SLC25A24: variants seen among roughly 807,000 people sequenced by gnomAD.
The protein encoded by SLC25A24 is solute carrier family 25 member 24, also known as mitochondrial adenyl nucleotide antiporter SLC25A24.
In SLC25A24, 49 loss-of-function variants were observed where a neutral mutation model predicts 60.7. That is an observed-to-expected ratio of 0.81 (90% CI 0.64 to 1.02). SLC25A24 has a LOEUF of 1.02. Among genes scored for constraint, SLC25A24 ranks in the 50% least tolerant of loss-of-function variants. The pLI is 0.00. For missense variants in SLC25A24, 564 were observed against 586.3 expected (o/e 0.96, Z 0.39); for synonymous variants, 202 against 200.6 (o/e 1.01, Z -0.06).
intron 6 of SLC25A24, among the ~76,000 whole-genome samples, chr1:108,154,225 G>C (rs1248251411): frequency 6.6e-6 from 1 of 151,230 alleles, no homozygotes; most frequent in Non-Finnish European, 1.5e-5. Context: ...AACTATGGGG[G>C]GGGAGTTGAA....
intron 3 of SLC25A24, among the ~76,000 whole-genome samples, chr1:108,169,001 C>T (rs549679102): frequency 9.2e-5 from 14 of 152,302 alleles, no homozygotes; most frequent in East Asian, 3.9e-4. Context: ...TGTTTGTGTA[C>T]GGTAAGAGGC....
At chr1:108,170,400 C>T (rs1186473386) in intron 3 of SLC25A24, among the ~76,000 whole-genome samples, 1 of 152,086 alleles carries the variant, frequency 6.6e-6, no homozygotes, top group African/African-American at 2.4e-5. Context: ...AATTTTTATA[C>T]ATGTTCCATA....
intron 1 of SLC25A24, chr1:108,192,830 G>A: frequency 1.7e-6 from 2 of 1,187,304 alleles, no homozygotes; most frequent in South Asian, 2.1e-5. Context: ...GCGCAAAGGC[G>A]CGAGCGCGCA....
At position 108,157,502 on chromosome 1, in the gene SLC25A24, G is replaced by A. The variant is rs774144115; in HGVS notation, c.629C>T (p.Thr210Ile). The A allele has an allele frequency of 4.3e-6, 7 of 1,614,142 alleles. No homozygotes were observed. Among genetic ancestry groups the A allele is most frequent in the Non-Finnish European group, 5.9e-6 (7 of 1,180,024 alleles). Residue 210 changes from threonine to isoleucine, a missense_variant, in exon 5 of 10, where the codon ACA (threonine) becomes ATA (isoleucine). Thr to Ile is a moderately conservative substitution (Grantham distance 89). Transcript: ENST00000565488. ...AGGIAGAVSRTSTAPLDRLKI... is the reference protein window; with the variant it reads ...AGGIAGAVSRISTAPLDRLKI... ...CAGACGGTCCAAAGGGGCAGTGCTT[G>A]TTCGAGAGACAGCACCAGCAATGCC...
chr1:108,200,206 G>T lies in SLC25A24; in HGVS notation c.-68C>A, dbSNP rs964712161. On this transcript the variant is annotated 5_prime_UTR_variant, in exon 1 of 10. Transcript: ENST00000565488. Reference sequence around the variant, plus strand: ...GATCGAGGGCTGCGGGGCGAGACCGGGACCAGCGCGAGGCCGGGCTGGGCG... The same window carrying T: ...GATCGAGGGCTGCGGGGCGAGACCGTGACCAGCGCGAGGCCGGGCTGGGCG... 14 of 1,421,954 alleles carry T rather than the reference G, an allele frequency of 9.8e-6. No individual in the cohort carries two copies. The highest frequency in any genetic ancestry group is 1.2e-5 in the Non-Finnish European group (13 of 1,082,828). The allele number at this position is 1,421,954 out of a possible 1,614,324, so 88.1% of individuals were successfully genotyped here.
At chr1:108,185,628 G>A (rs1437494064) in intron 2 of SLC25A24, among the ~76,000 whole-genome samples, 200 bp downstream of exon 2, 1 of 151,906 alleles carries the variant, frequency 6.6e-6, no homozygotes, top group East Asian at 1.9e-4. Flanking sequence ...TCAAAGTAAT[G>A]AAAAAGAAAA....
At chr1:108,150,145 A>G (rs113799994) in intron 6 of SLC25A24, among the ~76,000 whole-genome samples, 164 of 152,294 alleles carry the variant, frequency 1.1e-3, no homozygotes, top group African/African-American at 3.7e-3. Flanking sequence ...CTTTGAAGGT[A>G]CCTTTTATAC....
At chr1:108,151,691 C>T (rs1312812795) in intron 6 of SLC25A24, among the ~76,000 whole-genome samples, 1 of 152,190 alleles carries the variant, frequency 6.6e-6, no homozygotes, top group African/African-American at 2.4e-5. Context: ...TCCAATGGCT[C>T]AACTCAGCAA....
At chr1:108,151,483 C>T (rs1437010437) in intron 6 of SLC25A24, among the ~76,000 whole-genome samples, 1 of 152,174 alleles carries the variant, frequency 6.6e-6, no homozygotes, top group Admixed American at 6.5e-5. Flanking sequence ...TTATTATATT[C>T]ACTACCCAGT....
chr1:108,197,856 G>C (rs1352899345), intron 1 of SLC25A24, among the ~76,000 whole-genome samples: 1 of 152,186 alleles, frequency 6.6e-6, no homozygotes, highest in Non-Finnish European at 1.5e-5. Flanking sequence ...TGGCCGTGTT[G>C]GGAGGAGGGA....
intron 1 of SLC25A24, among the ~76,000 whole-genome samples, chr1:108,191,407 G>A (rs1648340178): frequency 1.4e-5 from 2 of 140,298 alleles, no homozygotes; most frequent in Admixed American, 1.6e-4. Flanking sequence ...TGGAATTACA[G>A]GCATGAGCCA....
At chr1:108,199,894 C>T in intron 1 of SLC25A24, 62 bp downstream of exon 1, 3 of 1,340,586 alleles carry the variant, frequency 2.2e-6, no homozygotes, top group South Asian at 1.3e-5. Flanking sequence ...CCTCGGTCCT[C>T]GCAGTGTCCC....
At chr1:108,176,070 T>C (rs1178347831) in intron 3 of SLC25A24, among the ~76,000 whole-genome samples, 2 of 151,770 alleles carry the variant, frequency 1.3e-5, no homozygotes, top group Non-Finnish European at 2.9e-5. Context: ...TGAACTGACA[T>C]AGAATTCAAA....
chr1:108,152,433 C>T (rs2101608749), intron 6 of SLC25A24, among the ~76,000 whole-genome samples: 1 of 152,176 alleles, frequency 6.6e-6, no homozygotes, highest in Non-Finnish European at 1.5e-5. Flanking sequence ...ATGGTGTGAT[C>T]CCAGCTCACT....
At chr1:108,175,789 T>C (rs1410050493) in intron 3 of SLC25A24, among the ~76,000 whole-genome samples, 4 of 152,210 alleles carry the variant, frequency 2.6e-5, no homozygotes, top group South Asian at 4.1e-4. Flanking sequence ...GCTGGGATTA[T>C]AAAATGGTGC....
intron 1 of SLC25A24, among the ~76,000 whole-genome samples, chr1:108,197,381 G>A (rs1648527066): frequency 6.6e-6 from 1 of 152,144 alleles, no homozygotes; most frequent in Non-Finnish European, 1.5e-5. Flanking sequence ...AAAATTTATA[G>A]AGATTTTGCT....
chr1:108,150,566 A>G (rs1476733461), intron 6 of SLC25A24, among the ~76,000 whole-genome samples: 1 of 152,152 alleles, frequency 6.6e-6, no homozygotes, highest in Non-Finnish European at 1.5e-5. Flanking sequence ...CTCAGATCAC[A>G]TCCTTTCTCA....
chr1:108,156,681 T>C (rs1467318740), intron 5 of SLC25A24, among the ~76,000 whole-genome samples: 2 of 152,252 alleles, frequency 1.3e-5, no homozygotes, highest in Non-Finnish European at 2.9e-5. Flanking sequence ...TATTCCAGTG[T>C]ACCAGACATT....
In SLC25A24 at chr1:108,148,311, C is replaced by T. The variant is rs755964582; in HGVS notation, c.898G>A (p.Ala300Thr). Residue 300 changes from alanine to threonine, a missense_variant, in exon 7 of 10, where the codon GCA becomes ACA. Ala to Thr is a moderately conservative substitution (Grantham distance 58, BLOSUM62 0). Coordinates refer to ENST00000565488, the MANE Select transcript of SLC25A24 (RefSeq NM_013386.5). ...ERFISGSMAG[A>T]TAQTFIYPME... Reference sequence around the variant, plus strand: ...GGATATATAAAAGTCTGTGCAGTTGCTCCAGCCATGGAACCAGAAATAAAT... The same window carrying T: ...GGATATATAAAAGTCTGTGCAGTTGTTCCAGCCATGGAACCAGAAATAAAT... 6.2e-7 allele frequency: 1 copy of T among 1,612,324 alleles called. No homozygotes were observed. Among genetic ancestry groups the T allele is most frequent in the Non-Finnish European group, 8.5e-7 (1 of 1,178,348 alleles).
Sources: allele counts gnomAD v4.1 joint callset (sites outside exome capture counted in the v4.1 genomes callset), GRCh38; gene constraint gnomAD v4.1.1; transcripts MANE v1.5; gene names NCBI Gene and HGNC (gene_info 2026-07-23, HGNC 2026-07-21).